Variants in LIMCH1 observed in about 807,000 individuals in gnomAD.
The protein encoded by LIMCH1 is LIM and calponin homology domains 1.
In LIMCH1, 113 loss-of-function variants were observed where a neutral mutation model predicts 176.5. The observed-to-expected ratio is 0.64, with a 90% confidence interval of 0.55 to 0.75. The LOEUF is 0.75. LIMCH1 is among the 30% of genes least tolerant of loss of function. LIMCH1 has a pLI of 0.00. For synonymous variants in LIMCH1, 619 were observed against 645.9 expected, an observed-to-expected ratio of 0.96 and a Z score of 0.63; for missense variants, 1,674 against 1,814.9, an observed-to-expected ratio of 0.92 and a Z score of 1.41.
Position 41,394,136 on chromosome 4 carries a change from C to T in LIMCH1, c.96+33200C>T, listed in dbSNP as rs1869287. Among the ~76,000 whole-genome samples, 637 of 152,130 alleles carry T rather than the reference C, an allele frequency of 4.2e-3. 5 individuals are homozygous for T. Among genetic ancestry groups the T allele is most frequent in the African/African-American group, 0.014 (596 of 41,504 alleles). ...ACATAAAGAATTTTCCTTCCATTTC[C>T]GTAGTGTGCTAGGCCAAAATTGGTT... is the stretch of plus-strand genomic sequence containing the variant. On this transcript the variant is annotated intron_variant, in intron 1 of 26. Transcript: ENST00000313860.
intron 1 of LIMCH1, among the ~76,000 whole-genome samples, chr4:41,395,824 A>G (rs2057748429): frequency 6.6e-6 from 1 of 152,130 alleles, no homozygotes. Context: ...CTTAGGTTCT[A>G]GAGGGTAAAG....
At chr4:41,497,320 A>G (rs1436395732) in intron 2 of LIMCH1, among the ~76,000 whole-genome samples, 2 of 80,566 alleles carry the variant, frequency 2.5e-5, no homozygotes, top group Non-Finnish European at 2.6e-5. Flanking sequence ...AGTCTAAAGA[A>G]AAAAAAAAAA....
intron 1 of LIMCH1, chr4:41,494,454 TAC>T (rs1050154144): frequency 5.3e-5 from 49 of 921,810 alleles, no homozygotes; most frequent in East Asian, 3.2e-4. Flanking sequence ...TACACACACA[TAC>T]ACACACACAT....
intron 1 of LIMCH1, among the ~76,000 whole-genome samples, chr4:41,401,056 T>A (rs1031493713): frequency 6.6e-6 from 1 of 152,242 alleles, no homozygotes; most frequent in African/African-American, 2.4e-5. Context: ...TTTGTCAATT[T>A]TGGCTTTTGT....
At chr4:41,665,833 G>T (rs2152993233) in intron 20 of LIMCH1, among the ~76,000 whole-genome samples, 1 of 152,266 alleles carries the variant, frequency 6.6e-6, no homozygotes, top group African/African-American at 2.4e-5. Context: ...TCTACTAAAG[G>T]TCATTCATAT....
intron 1 of LIMCH1, among the ~76,000 whole-genome samples, chr4:41,362,939 G>A (rs973161759): frequency 1.3e-5 from 2 of 152,196 alleles, no homozygotes; most frequent in Non-Finnish European, 2.9e-5. Context: ...ATTTAAGAAT[G>A]TGAAAACCGT....
upstream of LIMCH1, among the ~76,000 whole-genome samples, chr4:41,360,185 G>C (rs977819794): frequency 6.6e-6 from 1 of 152,162 alleles, no homozygotes; most frequent in Non-Finnish European, 1.5e-5. This position sits in a 1 kb window ranked among gnomAD's most constrained non-coding sequence, Gnocchi z 4.5. Flanking sequence ...AGCTCATCAG[G>C]GTCGTTTTTC....
chr4:41,426,531 T>A (rs904930205), intron 1 of LIMCH1, among the ~76,000 whole-genome samples: 9 of 152,266 alleles, frequency 5.9e-5, no homozygotes. Context: ...GTAATTCAGA[T>A]AACTCAGTCC....
chr4:41,458,773 C>CAAAAAAAAA (rs779184137), intron 1 of LIMCH1, among the ~76,000 whole-genome samples: 1 of 53,468 alleles, frequency 1.9e-5, no homozygotes, highest in African/African-American at 8.4e-5. Context: ...ACTCTGTCAC[C>CAAAAAAAAA]AAAAAAAAAA....
intron 1 of LIMCH1, among the ~76,000 whole-genome samples, chr4:41,394,140 G>A (rs1242672480): frequency 6.6e-6 from 1 of 152,104 alleles, no homozygotes; most frequent in Non-Finnish European, 1.5e-5. Context: ...CATTTCCGTA[G>A]TGTGCTAGGC....
intron 31 of LIMCH1, among the ~76,000 whole-genome samples, chr4:41,693,646 T>C (rs1403548201): frequency 6.6e-6 from 1 of 151,644 alleles, no homozygotes; most frequent in African/African-American, 2.4e-5. Flanking sequence ...GTAATAATTA[T>C]ATACATTTTA....
At chr4:41,454,657 C>A (rs1219518581) in intron 1 of LIMCH1, among the ~76,000 whole-genome samples, 1 of 152,102 alleles carries the variant, frequency 6.6e-6, no homozygotes, top group African/African-American at 2.4e-5. Context: ...TATCTAGTGG[C>A]AGTGCACATT....
chr4:41,520,535 C>G (rs1274139955), intron 2 of LIMCH1, among the ~76,000 whole-genome samples: 4 of 152,078 alleles, frequency 2.6e-5, no homozygotes, highest in Admixed American at 6.6e-5. Flanking sequence ...CTCCACTGCC[C>G]CATCCACTCA....
In LIMCH1 at chr4:41,674,687, G is replaced by A. The variant is rs186145552; in HGVS notation, c.3439-1695G>A. Among the ~76,000 whole-genome samples, 448 of 152,206 alleles carry A rather than the reference G, an allele frequency of 2.9e-3. 3 individuals carry two copies. The highest frequency in any genetic ancestry group is 9.9e-3 in the African/African-American group (412 of 41,518). ...TAGCTCAGCCTAGCCTACCTTAAAC[G>A]TGCTCAAAACATTATGTTAGCCTGC... On this transcript the variant is annotated intron_variant, in intron 22 of 31. Coordinates refer to ENST00000503057, the MANE Select transcript of LIMCH1 (RefSeq NM_001330672.2).
At chr4:41,389,419 A>AT (rs2056937597) in intron 1 of LIMCH1, 2 of 197,014 alleles carry the variant, frequency 1.0e-5, no homozygotes, top group African/African-American at 4.7e-5. Flanking sequence ...TTTTGATGAG[A>AT]TTGTCAGCAT....
At chr4:41,611,127 A>G (rs2091363583) in intron 4 of LIMCH1, among the ~76,000 whole-genome samples, 1 of 152,242 alleles carries the variant, frequency 6.6e-6, no homozygotes, top group Non-Finnish European at 1.5e-5. Flanking sequence ...CTCAATCTGT[A>G]GCACATTTTA....
intron 1 of LIMCH1, among the ~76,000 whole-genome samples, chr4:41,372,838 A>C (rs1294862433): frequency 1.3e-5 from 2 of 152,166 alleles, no homozygotes; most frequent in East Asian, 3.8e-4. Flanking sequence ...GTGAGTTGGA[A>C]ATGAGGAAAC....
intron 1 of LIMCH1, among the ~76,000 whole-genome samples, chr4:41,407,626 C>T (rs2059103373): frequency 6.6e-6 from 1 of 152,054 alleles, no homozygotes; most frequent in Non-Finnish European, 1.5e-5. Context: ...CAATCCGTGC[C>T]CTCTGCGGAA....
At chr4:41,515,630 A>G (rs1016576401) in intron 2 of LIMCH1, among the ~76,000 whole-genome samples, 2 of 152,236 alleles carry the variant, frequency 1.3e-5, no homozygotes, top group African/African-American at 4.8e-5. Context: ...ACTAGCAGGT[A>G]TTTTTGTCAC....
Sources: gnomAD v4.1 joint callset for allele counts (sites outside exome capture counted in the v4.1 genomes callset) on GRCh38, gnomAD v4.1.1 for gene constraint, Gnocchi (gnomAD v3.1) non-coding constraint, MANE v1.5 for transcripts, NCBI Gene and HGNC (gene_info 2026-07-23, HGNC 2026-07-21) for gene names.